The following GPHN variants were observed in gnomAD, a reference collection of about 807,000 sequenced individuals.
The protein encoded by GPHN is gephyrin.
A neutral mutation model predicts 95.5 loss-of-function variants in GPHN; 17 were observed. The ratio of observed to expected loss-of-function variants is 0.18; its 90% confidence interval spans 0.12 to 0.27. The LOEUF is 0.27. GPHN is among the 10% of genes least tolerant of loss of function. The probability of loss-of-function intolerance (pLI) is 1.00; values close to 1 mark genes in which losing one functional copy is unlikely to be tolerated. For synonymous variants in GPHN, 320 were observed against 322.5 expected, an observed-to-expected ratio of 0.99 and a Z score of 0.08; for missense variants, 660 against 978.1, an observed-to-expected ratio of 0.67 and a Z score of 4.34.
At chr14:66,742,641 A>G (rs146633424) in intron 2 of GPHN, among the ~76,000 whole-genome samples, 525 of 152,328 alleles carry the variant, frequency 3.4e-3, no homozygotes, top group African/African-American at 0.012. Flanking sequence ...AGTCCAAGCC[A>G]TGCTGTTCTA....
chr14:67,238,259 T>C, the GPHN span, among the ~76,000 whole-genome samples: 5 of 145,156 alleles, frequency 3.4e-5, no homozygotes, highest in African/African-American at 1.1e-4. Flanking sequence ...TTCTTTCTCT[T>C]TCTTGCTTTC....
At chr14:66,533,508 G>A (rs1044542282) in intron 1 of GPHN, among the ~76,000 whole-genome samples, 7 of 152,214 alleles carry the variant, frequency 4.6e-5, no homozygotes, top group African/African-American at 1.4e-4. Context: ...TGCCGTGGGT[G>A]CACAGAGGAA....
At chr14:66,703,601 A>G (rs777940838) in intron 2 of GPHN, among the ~76,000 whole-genome samples, 6 of 87,406 alleles carry the variant, frequency 6.9e-5, no homozygotes, top group Non-Finnish European at 1.1e-4. Flanking sequence ...GGATTTTGTT[A>G]CCACCAGGAC....
At chr14:66,599,409 G>T (rs367979945) in intron 1 of GPHN, among the ~76,000 whole-genome samples, 4,179 of 41,110 alleles carry the variant, frequency 0.1, 77 homozygotes, top group Middle Eastern at 0.13. Context: ...TTTTTTTTTT[G>T]CTAGATGCAG....
At chr14:67,142,258 A>T (rs2080512055) in intron 17 of GPHN, among the ~76,000 whole-genome samples, 1 of 152,210 alleles carries the variant, frequency 6.6e-6, no homozygotes, top group Admixed American at 6.5e-5. Flanking sequence ...AATTGAAGGG[A>T]AATACCAATT....
intron 9 of GPHN, among the ~76,000 whole-genome samples, chr14:66,972,678 AAT>A (rs200307770): frequency 0.019 from 2,928 of 152,024 alleles, 38 homozygotes; most frequent in Middle Eastern, 0.034. Flanking sequence ...TAATTTAACT[AAT>A]ATTAAATAGT....
At chr14:67,533,665 G>A in the GPHN span, 1 of 152,126 alleles carries the variant, frequency 6.6e-6, no homozygotes, top group Non-Finnish European at 1.5e-5. Context: ...AGATCCAGCC[G>A]CTCCTGGGAA....
At chr14:67,114,712 AAC>A (rs953984017) in intron 16 of GPHN, among the ~76,000 whole-genome samples, 5 of 152,176 alleles carry the variant, frequency 3.3e-5, no homozygotes, top group Non-Finnish European at 5.9e-5. Flanking sequence ...AATAAGAATT[AAC>A]ACACTCATAA....
At chr14:66,949,706 T>C (rs2067975493) in intron 8 of GPHN, among the ~76,000 whole-genome samples, 1 of 152,206 alleles carries the variant, frequency 6.6e-6, no homozygotes, top group South Asian at 2.1e-4. Context: ...ATTTCTATTG[T>C]ACAGCCTTGC....
chr14:66,947,707 C>G (rs1401211915), intron 8 of GPHN, among the ~76,000 whole-genome samples: 1 of 152,202 alleles, frequency 6.6e-6, no homozygotes, highest in Non-Finnish European at 1.5e-5. Context: ...CCTGTAATCT[C>G]AGCCACTCGG....
chr14:67,723,374 T>C, the GPHN span, among the ~76,000 whole-genome samples: 6 of 152,274 alleles, frequency 3.9e-5, no homozygotes, highest in East Asian at 1.2e-3. Context: ...GTTGGGAATA[T>C]AGGCAGGTGC....
At chr14:67,425,607 G>T in the GPHN span, among the ~76,000 whole-genome samples, 1 of 152,174 alleles carries the variant, frequency 6.6e-6, no homozygotes, top group African/African-American at 2.4e-5. Flanking sequence ...GTTTCTCCCG[G>T]CAAGACAAAG....
At chr14:67,466,558 C>T in the GPHN span, among the ~76,000 whole-genome samples, 1 of 152,226 alleles carries the variant, frequency 6.6e-6, no homozygotes, top group African/African-American at 2.4e-5. Context: ...GAACACTCAG[C>T]CTGGCCTTTA....
At chr14:67,373,346 AAG>A in the GPHN span, among the ~76,000 whole-genome samples, 1 of 152,224 alleles carries the variant, frequency 6.6e-6, no homozygotes, top group East Asian at 1.9e-4. Context: ...TTTAATGAAA[AAG>A]AATGCTCAGA....
chr14:67,573,801 A>T, the GPHN span: 2 of 1,605,912 alleles, frequency 1.2e-6, no homozygotes, highest in Non-Finnish European at 1.7e-6. This position sits in a 1 kb window ranked among gnomAD's most constrained non-coding sequence, Gnocchi z 4.8. Flanking sequence ...TTCTTTACAG[A>T]GTGATGTCAT....
intron 1 of GPHN, among the ~76,000 whole-genome samples, chr14:66,535,768 A>T (rs1365431904): frequency 6.6e-6 from 1 of 152,170 alleles, no homozygotes; most frequent in Non-Finnish European, 1.5e-5. Context: ...GAATTGTTTA[A>T]TACATAGAAT....
intron 1 of GPHN, among the ~76,000 whole-genome samples, chr14:66,677,825 C>A (rs72726480): frequency 0.059 from 8,914 of 152,092 alleles, 357 homozygotes; most frequent in Middle Eastern, 0.099. Context: ...ATCTTTAGAT[C>A]CATTTGGACA....
chr14:66,809,925 G>A (rs966001216), intron 3 of GPHN, among the ~76,000 whole-genome samples: 1 of 151,950 alleles, frequency 6.6e-6, no homozygotes, highest in Non-Finnish European at 1.5e-5. Context: ...ATTGTATAAT[G>A]TGGAGTAGGT....
the GPHN span, chr14:67,580,952 C>T: frequency 6.2e-7 from 1 of 1,612,090 alleles, no homozygotes; most frequent in Non-Finnish European, 8.5e-7. Flanking sequence ...GTGATGCCAT[C>T]TCCAAGTGGG....
Sources: allele counts gnomAD v4.1 joint callset (sites outside exome capture counted in the v4.1 genomes callset), GRCh38; gene constraint gnomAD v4.1.1; non-coding constraint Gnocchi (gnomAD v3.1); transcripts MANE v1.5; gene names NCBI Gene and HGNC (gene_info 2026-07-23, HGNC 2026-07-21).